The following TIMD4 variants were observed in gnomAD, a reference collection of about 807,000 sequenced individuals.
TIMD4 encodes the protein T cell immunoglobulin and mucin domain containing 4, also known as T-cell immunoglobulin and mucin domain-containing protein 4.
Under a neutral mutation model 41.2 loss-of-function variants are expected in TIMD4, and 31 were observed. The observed-to-expected ratio is 0.75, with a 90% CI of 0.57 to 1.01. The LOEUF (loss-of-function observed/expected upper bound fraction) is 1.01, where lower values mean the gene tolerates loss of function less well. TIMD4 is among the 50% of genes least tolerant of loss of function. The pLI is 0.00. For missense variants in TIMD4, 479 were observed against 472.5 expected (o/e 1.01, Z -0.13); for synonymous variants, 204 against 177.1 (o/e 1.15, Z -1.21).
rs543645610 is a variant in TIMD4 at position 156,930,845 on chromosome 5, G to T, written c.845-4533C>A. Among the ~76,000 whole-genome samples, 46 of 152,302 alleles carry T rather than the reference G, an allele frequency of 3.0e-4. 1 individual carries two copies. The highest frequency in any genetic ancestry group is 1.0e-3 in the African/African-American group (42 of 41,568). On this transcript the variant is annotated intron_variant, in intron 5 of 8. Coordinates refer to ENST00000274532, the MANE Select transcript of TIMD4 (RefSeq NM_138379.3). Reference sequence around the variant, plus strand: ...TGGAGACTGTGGTCAGCAAAATAATGACACCCAAATATGTCCATGTCCTAA... The same window carrying T: ...TGGAGACTGTGGTCAGCAAAATAATTACACCCAAATATGTCCATGTCCTAA...
intron 1 of TIMD4, among the ~76,000 whole-genome samples, chr5:156,961,739 C>T (rs1581639194): frequency 8.0e-6 from 1 of 124,572 alleles, no homozygotes; most frequent in South Asian, 2.7e-4. Context: ...GGAGGCAGAG[C>T]TTGCAGTGAG....
intron 5 of TIMD4, 90 bp from the exon 6 acceptor site, chr5:156,926,402 A>G (rs1759348646): frequency 1.6e-6 from 2 of 1,279,672 alleles, no homozygotes; most frequent in Non-Finnish European, 2.3e-6. Context: ...GTCCATCTGG[A>G]ACTGCAGCTG....
chr5:156,941,415 A>G (rs1759650725), intron 5 of TIMD4, among the ~76,000 whole-genome samples: 1 of 152,240 alleles, frequency 6.6e-6, no homozygotes, highest in Admixed American at 6.5e-5. Flanking sequence ...CTAGACCATT[A>G]CCAGCTTCCT....
chr5:156,928,402 A>G (rs1407752525), intron 5 of TIMD4, among the ~76,000 whole-genome samples: 1 of 151,578 alleles, frequency 6.6e-6, no homozygotes, highest in Non-Finnish European at 1.5e-5. Context: ...TGGAGGAGAG[A>G]AAAAAAAAGA....
intron 6 of TIMD4, among the ~76,000 whole-genome samples, chr5:156,922,652 C>T (rs541690502): frequency 1.3e-5 from 2 of 152,304 alleles, no homozygotes; most frequent in Non-Finnish European, 2.9e-5. Flanking sequence ...CCCATGAGAT[C>T]AAAATGATTT....
intron 1 of TIMD4, among the ~76,000 whole-genome samples, chr5:156,955,378 T>G (rs1317055368): frequency 6.6e-6 from 1 of 152,190 alleles, no homozygotes; most frequent in African/African-American, 2.4e-5. Flanking sequence ...TTCAAATGGC[T>G]GGGCATGGTG....
At chr5:156,928,114 G>T (rs1452048937) in intron 5 of TIMD4, among the ~76,000 whole-genome samples, 1 of 152,088 alleles carries the variant, frequency 6.6e-6, no homozygotes, top group Non-Finnish European at 1.5e-5. Context: ...GACCATCCTG[G>T]CCAATATGCT....
chr5:156,950,323 G>A (rs980324989), intron 3 of TIMD4, among the ~76,000 whole-genome samples: 2 of 152,068 alleles, frequency 1.3e-5, no homozygotes, highest in Non-Finnish European at 2.9e-5. Context: ...TTCAAGGATT[G>A]CAAGTAATTT....
chr5:156,924,457 T>TG, intron 6 of TIMD4: 2 of 491,584 alleles, frequency 4.1e-6, no homozygotes, highest in Non-Finnish European at 8.2e-6. Flanking sequence ...TTTCCAGGAC[T>TG]GGGTGTTATT....
At chr5:156,924,188 G>T in intron 6 of TIMD4, 1 of 449,582 alleles carries the variant, frequency 2.2e-6, no homozygotes, top group Non-Finnish European at 4.4e-6. Context: ...AGTCTATGCA[G>T]CACCAAAAAA....
At chr5:156,932,193 CATTTTA>C (rs1313640224) in intron 5 of TIMD4, among the ~76,000 whole-genome samples, 2 of 152,118 alleles carry the variant, frequency 1.3e-5, no homozygotes, top group South Asian at 2.1e-4. Flanking sequence ...TTCCTAGTAC[CATTTTA>C]ATTTTGTCTA....
chr5:156,942,559 A>G (rs772336208), intron 5 of TIMD4, among the ~76,000 whole-genome samples: 2 of 152,218 alleles, frequency 1.3e-5, no homozygotes, highest in African/African-American at 2.4e-5. Flanking sequence ...GACCTTGGAT[A>G]AATCATTCTA....
At chr5:156,935,717 A>G (rs778763884) in intron 5 of TIMD4, 1 of 152,242 alleles carries the variant, frequency 6.6e-6, no homozygotes, top group Non-Finnish European at 1.5e-5. Context: ...CTTGGCCTCA[A>G]CCTTCCACTA....
chr5:156,940,919 T>C (rs1040344632), intron 5 of TIMD4, among the ~76,000 whole-genome samples: 2 of 152,248 alleles, frequency 1.3e-5, no homozygotes, highest in Non-Finnish European at 2.9e-5. Context: ...ATTGTTACTG[T>C]GTCTGTGTAG....
At chr5:156,953,856 G>C (rs115247245) in intron 2 of TIMD4, among the ~76,000 whole-genome samples, 1 of 151,972 alleles carries the variant, frequency 6.6e-6, no homozygotes, top group East Asian at 1.9e-4. Context: ...TCAACCATAC[G>C]CTCAATGCAG....
intron 3 of TIMD4, 146 bp downstream of exon 3, chr5:156,951,366 C>T (rs1164910492): frequency 1.2e-5 from 12 of 989,900 alleles, no homozygotes; most frequent in East Asian, 5.2e-5. Flanking sequence ...ACCCAGTCTG[C>T]GGTGTTTGTT....
chr5:156,927,565 T>C (rs1308296517), intron 5 of TIMD4, among the ~76,000 whole-genome samples: 1 of 152,094 alleles, frequency 6.6e-6, no homozygotes, highest in Non-Finnish European at 1.5e-5. Flanking sequence ...ATGGTCCAGT[T>C]AGGAGGATAA....
At position 156,919,382 on chromosome 5, in the gene TIMD4, A is replaced by G. The variant is rs1162291835; in HGVS notation, c.*75T>C. 4 of 1,362,406 alleles carry G rather than the reference A, an allele frequency of 2.9e-6. No individual in the cohort carries two copies. Among genetic ancestry groups the G allele is most frequent in the Non-Finnish European group, 4.2e-6 (4 of 961,880 alleles). 84.4% of individuals were successfully genotyped at this position (1,362,406 alleles called of 1,614,324 possible). ...AATAAGTGAGTCTTTTTTATGAAAC[A>G]AGGAAATCTACTAAGACTTATTTTG... On this transcript the variant is annotated 3_prime_UTR_variant, in exon 9 of 9. Transcript: ENST00000274532.
chr5:156,944,078 T>G (rs901248118), intron 5 of TIMD4, among the ~76,000 whole-genome samples: 8 of 150,248 alleles, frequency 5.3e-5, no homozygotes, highest in Non-Finnish European at 1.0e-4. Flanking sequence ...AAAAAAGAAA[T>G]AAAGAAATAA....
Sources: gnomAD v4.1 joint callset for allele counts (sites outside exome capture counted in the v4.1 genomes callset) on GRCh38, gnomAD v4.1.1 for gene constraint, MANE v1.5 for transcripts, NCBI Gene and HGNC (gene_info 2026-07-23, HGNC 2026-07-21) for gene names.